The following ASPA variants were observed in gnomAD, a reference collection of about 807,000 sequenced individuals.
ASPA encodes aspartoacylase.
ASPA carries 25 observed loss-of-function variants against 29.6 expected under a neutral mutation model. The ratio of observed to expected loss-of-function variants is 0.85; its 90% CI spans 0.62 to 1.18. The LOEUF is 1.18. Ranked by LOEUF, ASPA falls within the 50% of genes most tolerant of loss-of-function variation. The probability of loss-of-function intolerance (pLI) is 0.00; values close to 1 mark genes in which losing one functional copy is unlikely to be tolerated. For missense variants in ASPA, 333 were observed against 385.7 expected (o/e 0.86, Z 1.14); for synonymous variants, 131 against 130.3 (o/e 1.01, Z -0.04).
chr17:3,483,972 A>T (rs959053898), intron 3 of ASPA, among the ~76,000 whole-genome samples: 3 of 152,172 alleles, frequency 2.0e-5, no homozygotes, highest in African/African-American at 7.2e-5. Flanking sequence ...ATTATTTTTA[A>T]AAAAACATTT....
chr17:3,476,627 GT>G (rs2073528030), intron 1 of ASPA, among the ~76,000 whole-genome samples: 1 of 152,134 alleles, frequency 6.6e-6, no homozygotes, highest in Admixed American at 6.5e-5. Context: ...AGATTATTAA[GT>G]TTTCTTTTCA....
At position 3,481,658 on chromosome 17, in the gene ASPA, C is replaced by T. The variant is rs1236611105; in HGVS notation, c.292C>T (p.His98Tyr). 2 of 1,613,656 alleles carry T rather than the reference C, an allele frequency of 1.2e-6. No individual in the cohort carries two copies. The highest frequency in any genetic ancestry group is 2.7e-5 in the African/African-American group (2 of 74,870). Residue 98 changes from histidine (H) to tyrosine (Y), a missense_variant, in exon 2 of 6, where the codon CAT (histidine) becomes TAT (tyrosine). Coordinates refer to ENST00000263080, the MANE Select transcript of ASPA (RefSeq NM_000049.4). ...AGTGAGAAGGGCTCAAGAAATAAATCATTTATTTGGTCCAAAAGACAGTGA... is the reference window on the plus strand; with the variant it reads ...AGTGAGAAGGGCTCAAGAAATAAATTATTTATTTGGTCCAAAAGACAGTGA... Reference protein sequence around the residue: ...YEVRRAQEINHLFGPKDSEDS... With the variant: ...YEVRRAQEINYLFGPKDSEDS...
At chr17:3,494,596 A>T (rs1285610052) in intron 5 of ASPA, 137 bp downstream of exon 5, 1 of 757,778 alleles carries the variant, frequency 1.3e-6, no homozygotes, top group Non-Finnish European at 2.3e-6. Flanking sequence ...GATAGGGAAG[A>T]TGTTCGGACT....
intron 5 of ASPA, among the ~76,000 whole-genome samples, chr17:3,494,947 G>A (rs982348935): frequency 1.3e-5 from 2 of 152,094 alleles, no homozygotes; most frequent in Admixed American, 6.6e-5. Flanking sequence ...CAAGTTGGCC[G>A]CATCACTTGC....
rs2150754840 is a variant in ASPA, at chr17:3,490,589, G to C, written c.634+1247G>C. 6.6e-6 allele frequency among the ~76,000 whole-genome samples: 1 copy of C among 152,214 alleles called. No homozygotes were observed. The highest frequency in any genetic ancestry group is 1.5e-5 in the Non-Finnish European group (1 of 68,020). Reference sequence around the variant, plus strand: ...TTCGTTTTGTGCTTGGGAATCCTTTGACTCCAAAATCATGAAAACTGAAAA... The same window carrying C: ...TTCGTTTTGTGCTTGGGAATCCTTTCACTCCAAAATCATGAAAACTGAAAA... On this transcript the variant is annotated intron_variant, in intron 4 of 5. Transcript: ENST00000263080. The surrounding 1 kb of genome is among the most constrained non-coding windows in gnomAD (Gnocchi z 4.6).
upstream of ASPA, among the ~76,000 whole-genome samples, chr17:3,474,733 G>A (rs2073496489): frequency 6.6e-6 from 1 of 152,204 alleles, no homozygotes; most frequent in Non-Finnish European, 1.5e-5. Context: ...TTTCCACCAT[G>A]TATTTGGTTT....
At chr17:3,486,461 G>A (rs1033137084) in intron 3 of ASPA, among the ~76,000 whole-genome samples, 8 of 152,066 alleles carry the variant, frequency 5.3e-5, no homozygotes, top group East Asian at 1.9e-4. Flanking sequence ...GACATTTCAC[G>A]AGCTGTTTGT....
chr17:3,479,356 C>T (rs1370507711), intron 1 of ASPA, among the ~76,000 whole-genome samples: 1 of 152,140 alleles, frequency 6.6e-6, no homozygotes, highest in Non-Finnish European at 1.5e-5. Flanking sequence ...TTGTCGGGCG[C>T]GACCTCAGGG....
intron 5 of ASPA, among the ~76,000 whole-genome samples, chr17:3,496,674 G>A (rs1202522624): frequency 2.6e-5 from 4 of 152,162 alleles, no homozygotes; most frequent in African/African-American, 4.8e-5. Context: ...CTGGAATCAC[G>A]TAGGGGACCC....
chr17:3,477,236 T>TG (rs1351008522), intron 1 of ASPA, among the ~76,000 whole-genome samples: 16 of 152,104 alleles, frequency 1.1e-4, no homozygotes, highest in African/African-American at 3.9e-4. Context: ...ACTTCCATGG[T>TG]GGATTGTTGT....
chr17:3,483,198 C>T (rs560656043), intron 2 of ASPA, among the ~76,000 whole-genome samples: 2 of 152,192 alleles, frequency 1.3e-5, no homozygotes, highest in Non-Finnish European at 2.9e-5. Context: ...AAAATCACCA[C>T]ATCCATTAAG....
intron 3 of ASPA, 30 bp downstream of exon 3, chr17:3,483,622 A>G: frequency 1.3e-6 from 2 of 1,539,252 alleles, no homozygotes; most frequent in Non-Finnish European, 1.8e-6. Flanking sequence ...GTCATAACTC[A>G]ATAAAATATG....
At chr17:3,491,987 C>T (rs1481177638) in intron 4 of ASPA, among the ~76,000 whole-genome samples, 2 of 151,050 alleles carry the variant, frequency 1.3e-5, no homozygotes, top group Non-Finnish European at 2.9e-5. Context: ...AAGCAATCCT[C>T]CCACCCAGCC....
intron 5 of ASPA, among the ~76,000 whole-genome samples, chr17:3,497,062 T>TAAAAAG (rs1367550471): frequency 6.6e-6 from 1 of 152,120 alleles, no homozygotes; most frequent in African/African-American, 2.4e-5. Flanking sequence ...AGATTACGTC[T>TAAAAAG]AAAAAGAAAA....
At chr17:3,489,627 G>A (rs1288858001) in intron 4 of ASPA, among the ~76,000 whole-genome samples, 1 of 152,154 alleles carries the variant, frequency 6.6e-6, no homozygotes, top group Non-Finnish European at 1.5e-5. Context: ...AACATCACTA[G>A]TAATTAGAGA....
At chr17:3,483,383 C>A in intron 2 of ASPA, 116 bp from the exon 3 acceptor site, 1 of 858,042 alleles carries the variant, frequency 1.2e-6, no homozygotes, top group Non-Finnish European at 2.0e-6. Context: ...ATAAAGCTGT[C>A]TTACCAATCT....
At position 3,501,093 on chromosome 17, in the gene ASPA, G is replaced by A. The variant is rs1262196750; in HGVS notation, c.*2005G>A. On this transcript the variant is annotated 3_prime_UTR_variant, in exon 6 of 6. Coordinates refer to ENST00000263080, the MANE Select transcript of ASPA (RefSeq NM_000049.4). Reference sequence around the variant, plus strand: ...ATCCAGCCGAAGCCCATGGATCAAGGCGTCATTGTGACTTTCAAATCTAAC... The same window carrying A: ...ATCCAGCCGAAGCCCATGGATCAAGACGTCATTGTGACTTTCAAATCTAAC... 1 of 152,096 alleles carries A rather than the reference G, an allele frequency of 6.6e-6. No homozygotes were observed. The highest frequency in any genetic ancestry group is 1.5e-5 in the Non-Finnish European group (1 of 68,028). 9.4% of individuals were successfully genotyped at this position (152,096 alleles called of 1,614,324 possible). A position where few individuals can be genotyped will look rare whatever the true frequency, so the allele number is the denominator to read the frequency against.
chr17:3,484,394 T>G (rs956203082), intron 3 of ASPA, among the ~76,000 whole-genome samples: 12 of 152,058 alleles, frequency 7.9e-5, no homozygotes, highest in Middle Eastern at 3.2e-3. Context: ...CTGCACAGAG[T>G]GATAAATGCT....
chr17:3,477,011 C>T (rs1400217038), intron 1 of ASPA, among the ~76,000 whole-genome samples: 6 of 151,972 alleles, frequency 3.9e-5, no homozygotes, highest in Non-Finnish European at 8.8e-5. Context: ...AAAAATTAGC[C>T]GGGCGTAGTG....
Sources: allele counts gnomAD v4.1 joint callset (sites outside exome capture counted in the v4.1 genomes callset), GRCh38; gene constraint gnomAD v4.1.1; non-coding constraint Gnocchi (gnomAD v3.1); transcripts MANE v1.5; gene names NCBI Gene and HGNC (gene_info 2026-07-23, HGNC 2026-07-21).